PTK2: variants seen among roughly 807,000 people sequenced by gnomAD.
PTK2 encodes protein tyrosine kinase 2, also known as focal adhesion kinase 1.
PTK2 carries 45 observed loss-of-function variants against 150.1 expected under a neutral mutation model. That is an observed-to-expected ratio of 0.30 (90% CI 0.24 to 0.38). The LOEUF (loss-of-function observed/expected upper bound fraction) is 0.38. Ranked by LOEUF, PTK2 falls within the 10% of genes least tolerant of loss-of-function variation. The pLI is 1.00. For missense variants in PTK2, 919 were observed against 1,307.3 expected (o/e 0.70, Z 4.58); for synonymous variants, 432 against 449.2 (o/e 0.96, Z 0.48).
In PTK2 at chr8:140,841,255, G is replaced by C. The variant is rs185501665; in HGVS notation, c.593+5005C>G. ...GTAGCATTCAGGTAATAGACACACA[G>C]ATGCTCACTGAACAAGTCTCTCAAC... On this transcript the variant is annotated intron_variant, in intron 7 of 31. Transcript: ENST00000522684. Among the ~76,000 whole-genome samples, 283 of 152,202 alleles carry C rather than the reference G, an allele frequency of 1.9e-3. 2 individuals carry two copies. The highest frequency in any genetic ancestry group is 3.5e-3 in the South Asian group (17 of 4,832).
intron 23 of PTK2, among the ~76,000 whole-genome samples, chr8:140,713,305 G>C (rs1006046347): frequency 3.3e-5 from 5 of 152,152 alleles, no homozygotes; most frequent in African/African-American, 1.2e-4. Context: ...CTGTCTCCCA[G>C]GCTGGAGTGC....
intron 31 of PTK2, chr8:140,660,543 G>A (rs1314579310): frequency 2.2e-6 from 1 of 448,722 alleles, no homozygotes; most frequent in Non-Finnish European, 4.5e-6. Flanking sequence ...GGGCAACATG[G>A]TGAAACCCCA....
At chr8:140,766,053 G>A (rs2100072076) in intron 14 of PTK2, among the ~76,000 whole-genome samples, 1 of 152,120 alleles carries the variant, frequency 6.6e-6, no homozygotes. Context: ...TAAAGCACAT[G>A]AATTGGCCCT....
At chr8:140,791,746 G>T (rs993659774) in intron 13 of PTK2, among the ~76,000 whole-genome samples, 1 of 152,222 alleles carries the variant, frequency 6.6e-6, no homozygotes, top group African/African-American at 2.4e-5. Context: ...GCAACGAAAA[G>T]GGGGTTGGAA....
intron 13 of PTK2, among the ~76,000 whole-genome samples, chr8:140,790,241 G>C (rs2100087675): frequency 6.6e-6 from 1 of 152,134 alleles, no homozygotes; most frequent in South Asian, 2.1e-4. Flanking sequence ...TTTTCCAGAT[G>C]AAATATTGAC....
chr8:140,708,250 C>T (rs1482072251), intron 23 of PTK2, among the ~76,000 whole-genome samples: 1 of 152,150 alleles, frequency 6.6e-6, no homozygotes, highest in Non-Finnish European at 1.5e-5. Flanking sequence ...ACGTGCTTTG[C>T]TCTAGTTAGG....
chr8:140,686,883 C>T, intron 26 of PTK2, 189 bp from the exon 30 acceptor site: 1 of 591,230 alleles, frequency 1.7e-6, no homozygotes, highest in Non-Finnish European at 3.0e-6. Context: ...AACTGCATTC[C>T]TCTCCACACA....
intron 13 of PTK2, among the ~76,000 whole-genome samples, chr8:140,789,838 T>C: frequency 6.6e-6 from 1 of 152,038 alleles, no homozygotes; most frequent in South Asian, 2.1e-4. Context: ...TAAATTTAAA[T>C]GCTACACACT....
At chr8:140,953,543 G>C (rs1473375257) in intron 1 of PTK2, among the ~76,000 whole-genome samples, 2 of 152,196 alleles carry the variant, frequency 1.3e-5, no homozygotes. Context: ...GGTGGGATAG[G>C]GCGGGACAGA....
At chr8:140,905,567 A>G (rs954073498) in intron 2 of PTK2, among the ~76,000 whole-genome samples, 5 of 152,304 alleles carry the variant, frequency 3.3e-5, no homozygotes, top group Admixed American at 6.5e-5. Flanking sequence ...CTTCCACACA[A>G]TAATAGCGGG....
At chr8:140,886,064 A>T (rs887603307) in intron 3 of PTK2, among the ~76,000 whole-genome samples, 1 of 152,194 alleles carries the variant, frequency 6.6e-6, no homozygotes, top group African/African-American at 2.4e-5. Context: ...GTAGCAGTGG[A>T]GGCAATATGA....
At chr8:140,725,623 T>C (rs556368052) in intron 22 of PTK2, among the ~76,000 whole-genome samples, 5 of 152,298 alleles carry the variant, frequency 3.3e-5, no homozygotes, top group African/African-American at 7.2e-5. Context: ...AATCCCAGAA[T>C]GAAGACAGGC....
chr8:140,707,142 A>C (rs2154154291), intron 23 of PTK2, among the ~76,000 whole-genome samples: 1 of 152,368 alleles, frequency 6.6e-6, no homozygotes, highest in Admixed American at 6.5e-5. Context: ...AATAGGAAAG[A>C]TTAATATAGA....
intron 20 of PTK2, among the ~76,000 whole-genome samples, chr8:140,742,399 G>A (rs193211283): frequency 2.4e-4 from 36 of 152,294 alleles, no homozygotes; most frequent in Admixed American, 1.8e-3. Flanking sequence ...ATGTCCAGAC[G>A]TGCAACTCCT....
At chr8:140,855,064 C>T (rs1275557051) in intron 5 of PTK2, among the ~76,000 whole-genome samples, 1 of 152,186 alleles carries the variant, frequency 6.6e-6, no homozygotes, top group African/African-American at 2.4e-5. Context: ...CCATTTCTCA[C>T]TGCAGCCCAA....
chr8:140,805,706 G>GT (rs1372421113), intron 10 of PTK2, among the ~76,000 whole-genome samples: 1 of 151,914 alleles, frequency 6.6e-6, no homozygotes, highest in Non-Finnish European at 1.5e-5. Context: ...GAATTCATGT[G>GT]TTTACTTCCC....
intron 12 of PTK2, among the ~76,000 whole-genome samples, chr8:140,798,971 A>T (rs1182365072): frequency 6.6e-6 from 1 of 152,202 alleles, no homozygotes; most frequent in Non-Finnish European, 1.5e-5. Flanking sequence ...CAACTTCATT[A>T]CTCTATTTTA....
chr8:140,808,829 G>A (rs766997066), intron 10 of PTK2, among the ~76,000 whole-genome samples: 3 of 143,788 alleles, frequency 2.1e-5, no homozygotes, highest in Non-Finnish European at 4.5e-5. Context: ...TCCACCTCCC[G>A]GGTTCAAGCG....
At chr8:140,731,062 C>T (rs563036549) in intron 22 of PTK2, among the ~76,000 whole-genome samples, 6 of 149,616 alleles carry the variant, frequency 4.0e-5, no homozygotes, top group South Asian at 4.3e-4. Context: ...CAGGTTCAAG[C>T]GACTCTCTTG....
Sources: gnomAD v4.1 joint callset for allele counts (sites outside exome capture counted in the v4.1 genomes callset) on GRCh38, gnomAD v4.1.1 for gene constraint, MANE v1.5 for transcripts, NCBI Gene and HGNC (gene_info 2026-07-23, HGNC 2026-07-21) for gene names.